The following FGD3 variants were observed in gnomAD, a reference collection of about 807,000 sequenced individuals.
FGD3 encodes the protein FYVE, RhoGEF and PH domain containing 3.
Under a neutral mutation model 71.8 loss-of-function variants are expected in FGD3, and 45 were observed. The ratio of observed to expected loss-of-function variants is 0.63; its 90% confidence interval spans 0.49 to 0.80. The LOEUF (loss-of-function observed/expected upper bound fraction) is 0.80. FGD3 is among the 30% of genes least tolerant of loss of function. The probability of loss-of-function intolerance (pLI) is 0.00; values close to 1 mark genes in which losing one functional copy is unlikely to be tolerated. For missense variants in FGD3, 844 were observed against 951.5 expected, an observed-to-expected ratio of 0.89 and a Z score of 1.49; for synonymous variants, 378 against 392.8, an observed-to-expected ratio of 0.96 and a Z score of 0.44.
At chr9:93,029,736 C>T (rs1210883271) in intron 14 of FGD3, 138 bp from the exon 15 acceptor site, 1 of 1,176,900 alleles carries the variant, frequency 8.5e-7, no homozygotes, top group Non-Finnish European at 1.2e-6. Context: ...CTCTTCACTT[C>T]ATTCCCTTCT....
chr9:92,968,151 C>G (rs908420881), intron 1 of FGD3, among the ~76,000 whole-genome samples: 5 of 152,272 alleles, frequency 3.3e-5, no homozygotes, highest in Admixed American at 2.6e-4. Context: ...GTAGATACCC[C>G]CCGCCCACCA....
Position 93,011,266 on chromosome 9 carries a change from G to A in FGD3, c.1029G>A (p.Arg343=), listed in dbSNP as rs530982746. 595 of 1,614,176 alleles carry A rather than the reference G, an allele frequency of 3.7e-4. 6 individuals are homozygous for A. The South Asian group carries it at 5.8e-3, about 16-fold the overall frequency. ...CCAACCACTCCAATGCTGCCATTCGGAAAGTGGTGAGTGTGGGGCTCCAGT... is the reference window on the plus strand; with the variant it reads ...CCAACCACTCCAATGCTGCCATTCGAAAAGTGGTGAGTGTGGGGCTCCAGT... ...TAANHSNAAI[R]KVEKMHKLLE... is the part of the protein sequence containing the mutation. The change falls in exon 8 of 18, where the codon CGG becomes CGA. Residue 343 remains arginine (R), a synonymous_variant. Coordinates refer to ENST00000375482, the MANE Select transcript of FGD3 (RefSeq NM_001083536.2).
intron 3 of FGD3, among the ~76,000 whole-genome samples, chr9:92,985,306 A>G (rs1860148964): frequency 6.6e-6 from 1 of 152,130 alleles, no homozygotes; most frequent in Admixed American, 6.5e-5. Flanking sequence ...CTTTTTCCTT[A>G]GCCCTGTCCT....
intron 8 of FGD3, among the ~76,000 whole-genome samples, chr9:93,013,615 C>T (rs931169852): frequency 6.6e-6 from 1 of 152,222 alleles, no homozygotes; most frequent in Admixed American, 6.5e-5. Context: ...GCACATGGCT[C>T]ACAGCAATGG....
At chr9:92,971,421 C>T (rs1221930828) in intron 1 of FGD3, among the ~76,000 whole-genome samples, 1 of 151,996 alleles carries the variant, frequency 6.6e-6, no homozygotes, top group East Asian at 1.9e-4. Context: ...AACCACACAC[C>T]TCCTCACCTC....
At chr9:93,011,890 G>A (rs1466841010) in intron 8 of FGD3, among the ~76,000 whole-genome samples, 1 of 131,426 alleles carries the variant, frequency 7.6e-6, no homozygotes, top group Non-Finnish European at 1.6e-5. Context: ...CAGGCGCGGT[G>A]GCTCACGCCT....
chr9:93,013,104 C>T (rs1295713189), intron 8 of FGD3, among the ~76,000 whole-genome samples: 1 of 152,168 alleles, frequency 6.6e-6, no homozygotes, highest in African/African-American at 2.4e-5. Flanking sequence ...CTCAAAAGAC[C>T]CTCACCCCTA....
intron 3 of FGD3, among the ~76,000 whole-genome samples, chr9:92,988,833 T>G (rs1174405201): frequency 6.6e-6 from 1 of 152,130 alleles, no homozygotes; most frequent in Non-Finnish European, 1.5e-5. Context: ...AGTCCTGGGT[T>G]TGGGGGTTGA....
At position 92,972,822 on chromosome 9, in the gene FGD3, T is replaced by C. The variant is rs185566056; in HGVS notation, c.-217-2416T>C. 1.6e-3 allele frequency among the ~76,000 whole-genome samples: 237 copies of C among 152,296 alleles called. 1 individual carries two copies. The highest frequency in any genetic ancestry group is 4.2e-3 in the Admixed American group (64 of 15,286). ...TTTCATTTTGGGTAGTTTCTGTTCCTGTCTCTTCAAATTCACTAGTTTTTC... is the reference window on the plus strand; with the variant it reads ...TTTCATTTTGGGTAGTTTCTGTTCCCGTCTCTTCAAATTCACTAGTTTTTC... On this transcript the variant is annotated intron_variant, in intron 1 of 17. Transcript: ENST00000375482.
intron 16 of FGD3, chr9:93,034,183 T>C (rs892466407): frequency 5.0e-6 from 1 of 200,958 alleles, no homozygotes; most frequent in Non-Finnish European, 1.0e-5. Flanking sequence ...CGCACGTGCA[T>C]GTATATGGTG....
Position 93,006,059 on chromosome 9 carries a change from A to T in FGD3, c.716A>T (p.Lys239Met). Residue 239 changes from lysine (K) to methionine (M), a missense_variant, in exon 6 of 18, where the codon AAG becomes ATG. Transcript: ENST00000375482. ...CCACGGCTCGGGGACATCCTGCAGA[A>T]GCTGGCCCCATTCCTGAAGATGTAC... ...TNPRLGDILQ[K>M]LAPFLKMYGE... 1 of 1,612,172 alleles carries T rather than the reference A, an allele frequency of 6.2e-7. No homozygotes were observed. The highest frequency in any genetic ancestry group is 8.5e-7 in the Non-Finnish European group (1 of 1,179,334).
intron 1 of FGD3, among the ~76,000 whole-genome samples, chr9:92,951,218 G>C (rs1275571636): frequency 1.3e-5 from 2 of 152,168 alleles, no homozygotes; most frequent in Non-Finnish European, 2.9e-5. Flanking sequence ...ACATGAAGAA[G>C]GCCTTTTATT....
At chr9:93,032,667 TCCCG>T in intron 15 of FGD3, 98 bp from the exon 16 acceptor site, 2 of 557,066 alleles carry the variant, frequency 3.6e-6, no homozygotes, top group Non-Finnish European at 5.4e-6. Context: ...TTAAGTCTCC[TCCCG>T]CCCACTCCAC....
intron 9 of FGD3, among the ~76,000 whole-genome samples, chr9:93,014,955 C>A: frequency 7.2e-6 from 1 of 139,660 alleles, no homozygotes; most frequent in Non-Finnish European, 1.6e-5. Flanking sequence ...GATCACTGCC[C>A]CCGCCCACCC....
At chr9:93,026,510 G>A (rs764106463) in intron 14 of FGD3, among the ~76,000 whole-genome samples, 5 of 152,164 alleles carry the variant, frequency 3.3e-5, no homozygotes, top group East Asian at 1.9e-4. Context: ...GACGGGCTGC[G>A]GACCTCAGCT....
At chr9:92,953,850 G>A (rs1286698048) in intron 1 of FGD3, among the ~76,000 whole-genome samples, 2 of 151,864 alleles carry the variant, frequency 1.3e-5, no homozygotes, top group Non-Finnish European at 1.5e-5. Flanking sequence ...TCTTTTTTTG[G>A]TTTCTCAACC....
intron 6 of FGD3, among the ~76,000 whole-genome samples, chr9:93,007,541 T>G (rs1420789411): frequency 6.6e-6 from 1 of 152,202 alleles, no homozygotes; most frequent in African/African-American, 2.4e-5. Context: ...TAGTCCCAGT[T>G]ACTCTGAAGG....
chr9:92,980,599 T>C (rs536290362), intron 3 of FGD3, among the ~76,000 whole-genome samples: 105 of 152,190 alleles, frequency 6.9e-4, no homozygotes, highest in African/African-American at 2.5e-3. Context: ...GCTGTAAAAT[T>C]CCCTCTTAGC....
At position 93,003,182 on chromosome 9, in the gene FGD3, G is replaced by A. The variant is rs1368372753; in HGVS notation, c.543+168G>A. Among the ~76,000 whole-genome samples, 1 of 151,722 alleles carries A rather than the reference G, an allele frequency of 6.6e-6. No individual in the cohort carries two copies. ...CTCACTCTGTCACCCAAGCTGGAGT[G>A]CAGTGGCGCGATCTTGGCTCACTGC... On this transcript the variant is annotated intron_variant, in intron 4 of 17. Transcript: ENST00000375482. The surrounding 1 kb of genome is among the most constrained non-coding windows in gnomAD (Gnocchi z 4.1).
Sources: allele counts gnomAD v4.1 joint callset (sites outside exome capture counted in the v4.1 genomes callset), GRCh38; gene constraint gnomAD v4.1.1; non-coding constraint Gnocchi (gnomAD v3.1); transcripts MANE v1.5; gene names NCBI Gene and HGNC (gene_info 2026-07-23, HGNC 2026-07-21).